FANCA: variants seen among roughly 807,000 people sequenced by gnomAD.
FANCA encodes Fanconi anemia group A protein.
Under a neutral mutation model 194.3 loss-of-function variants are expected in FANCA, and 236 were observed. The ratio of observed to expected loss-of-function variants is 1.21; its 90% confidence interval spans 1.09 to 1.35. FANCA has a LOEUF of 1.35. Among genes scored for constraint, FANCA ranks in the 40% most tolerant of loss-of-function variants. The pLI is 0.00. For missense variants in FANCA, 2,628 were observed against 1,813.9 expected, an observed-to-expected ratio of 1.45 and a Z score of -8.15; for synonymous variants, 1,014 against 715.8, an observed-to-expected ratio of 1.42 and a Z score of -6.65.
chr16:89,765,143 A>T, intron 27 of FANCA, 77 bp from the exon 28 acceptor site: 1 of 1,535,118 alleles, frequency 6.5e-7, no homozygotes, highest in East Asian at 2.3e-5. Flanking sequence ...GCTCAGGTGG[A>T]AACAGACCAT....
intron 14 of FANCA, among the ~76,000 whole-genome samples, chr16:89,787,724 G>A (rs1342988575): frequency 6.6e-6 from 1 of 151,872 alleles, no homozygotes; most frequent in Non-Finnish European, 1.5e-5. Flanking sequence ...AGACAGAACA[G>A]AGACCTTGCC....
At chr16:89,770,292 G>GC in intron 24 of FANCA, 33 bp from the exon 25 acceptor site, 1 of 1,517,528 alleles carries the variant, frequency 6.6e-7, no homozygotes, top group Non-Finnish European at 9.0e-7. Context: ...ATCAGTACTA[G>GC]CCATTCAGTC....
chr16:89,815,912 G>C lies in FANCA; in HGVS notation c.154C>G (p.Arg52Gly). ...AGGGCATTCAGGTCCTGATGGCTTCGCAGGAGGCGCACAGCTGATTCCTTT... is the reference window on the plus strand; with the variant it reads ...AGGGCATTCAGGTCCTGATGGCTTCCCAGGAGGCGCACAGCTGATTCCTTT... The part of the protein sequence containing the change: ...KLKESAVRLL[R>G]SHQDLNALLL... The change falls in exon 2 of 43, where the codon CGA becomes GGA. Residue 52 changes from arginine (R) to glycine (G), a missense_variant. By Grantham distance (125) the Arg-to-Gly change is moderately radical. Coordinates refer to ENST00000389301, the MANE Select transcript of FANCA (RefSeq NM_000135.4). The C allele has an allele frequency of 1.9e-6, 3 of 1,614,094 alleles. No individual in the cohort carries two copies. Among genetic ancestry groups the C allele is most frequent in the Non-Finnish European group, 2.5e-6 (3 of 1,179,934 alleles).
chr16:89,795,594 C>A (rs541169466), intron 11 of FANCA, among the ~76,000 whole-genome samples: 2 of 152,162 alleles, frequency 1.3e-5, no homozygotes, highest in Non-Finnish European at 2.9e-5. Flanking sequence ...GCTGAGATCA[C>A]GCCACTGCAC....
intron 27 of FANCA, among the ~76,000 whole-genome samples, chr16:89,766,481 G>A (rs972026500): frequency 1.3e-4 from 19 of 151,846 alleles, no homozygotes; most frequent in Middle Eastern, 3.4e-3. Context: ...AGGCCAAGGC[G>A]GGTGGATCAC....
At chr16:89,813,194 T>G (rs1332317351) in intron 3 of FANCA, among the ~76,000 whole-genome samples, 2 of 151,150 alleles carry the variant, frequency 1.3e-5, no homozygotes, top group South Asian at 2.1e-4. Context: ...GTAAACTGAT[T>G]GCTTGAGCTC....
intron 25 of FANCA, 39 bp downstream of exon 25, chr16:89,770,127 T>G: frequency 6.4e-7 from 1 of 1,567,430 alleles, no homozygotes; most frequent in South Asian, 1.2e-5. Flanking sequence ...GCCCTCAGAG[T>G]GGGCCCCCAA....
chr16:89,738,577 G>A lies in FANCA; in HGVS notation c.*24C>T. ...AATAAATTATTTACACGGGAGCTGG[G>A]CTGGTGTGCAGTGGCAGGTCCCGTC... is the stretch of plus-strand genomic sequence containing the variant. On this transcript the variant is annotated 3_prime_UTR_variant, in exon 43 of 43. Transcript: ENST00000389301. The A allele has an allele frequency of 6.2e-7, 1 of 1,613,048 alleles. No homozygotes were observed. The highest frequency in any genetic ancestry group is 8.5e-7 in the Non-Finnish European group (1 of 1,180,012).
Position 89,815,997 on chromosome 16 carries a change from A to G in FANCA, c.80-11T>C. ...TCTTGACCCTTCCCGCTACGGAGAG[A>G]AGTCGGTTCGAAACCATCACAGCAC... On this transcript the variant is annotated splice_polypyrimidine_tract_variant and intron_variant, in intron 1 of 42. Coordinates refer to ENST00000389301, the MANE Select transcript of FANCA (RefSeq NM_000135.4). 6.2e-7 allele frequency: 1 copy of G among 1,604,584 alleles called. No individual in the cohort carries two copies. Among genetic ancestry groups the G allele is most frequent in the Non-Finnish European group, 8.5e-7 (1 of 1,171,430 alleles).
intron 3 of FANCA, among the ~76,000 whole-genome samples, chr16:89,812,686 C>A (rs932393168): frequency 1.5e-5 from 2 of 130,882 alleles, no homozygotes; most frequent in African/African-American, 5.2e-5. Context: ...AACTGCAGTA[C>A]GAACCTGTTA....
At chr16:89,797,817 C>G (rs1410801856) in intron 10 of FANCA, among the ~76,000 whole-genome samples, 1 of 152,068 alleles carries the variant, frequency 6.6e-6, no homozygotes, top group Admixed American at 6.6e-5. Context: ...ATTGATTGAA[C>G]CTGGGAGGCA....
At chr16:89,811,681 C>T (rs1285459310) in intron 3 of FANCA, among the ~76,000 whole-genome samples, 1 of 152,078 alleles carries the variant, frequency 6.6e-6, no homozygotes, top group Non-Finnish European at 1.5e-5. Flanking sequence ...TGGAAGCAGG[C>T]AATGCCAAGA....
chr16:89,798,947 G>C (rs980259857), intron 10 of FANCA: 5 of 1,610,084 alleles, frequency 3.1e-6, no homozygotes, highest in Non-Finnish European at 4.2e-6. Context: ...TGCAGTGGGC[G>C]CACCTTCCGA....
chr16:89,761,973 G>A lies in FANCA; in HGVS notation c.2828C>T (p.Ala943Val), dbSNP rs779851064. The change falls in exon 29 of 43, where the codon GCT becomes GTT. Residue 943 changes from alanine (A) to valine (V), a missense_variant. Coordinates refer to ENST00000389301, the MANE Select transcript of FANCA (RefSeq NM_000135.4). The stretch of plus-strand genomic sequence containing the variant: ...CCGTTCAGTATCTGAAAGAGCATCA[G>A]CTTCAGGTTGAATTTCCAGCTCCAG... ...LHLELEIQPEADALSDTERQD... is the reference protein window; with the variant it reads ...LHLELEIQPEVDALSDTERQD... The A allele has an allele frequency of 1.9e-6, 3 of 1,614,076 alleles. No homozygotes were observed. Among genetic ancestry groups the A allele is most frequent in the African/African-American group, 1.3e-5 (1 of 75,042 alleles).
chr16:89,791,028 T>C (rs1191923959), intron 14 of FANCA: 1 of 161,580 alleles, frequency 6.2e-6, no homozygotes, highest in Admixed American at 6.4e-5. Context: ...TGTGTGTTTT[T>C]TTTTTTTTTT....
intron 21 of FANCA, among the ~76,000 whole-genome samples, chr16:89,774,451 C>T (rs1001927268): frequency 1.3e-5 from 2 of 152,050 alleles, no homozygotes; most frequent in African/African-American, 2.4e-5. Context: ...GGTGGGTCGG[C>T]CGGGCATGGG....
chr16:89,781,363 CAAAAAAAA>C (rs775937692), intron 17 of FANCA, among the ~76,000 whole-genome samples: 1 of 60,400 alleles, frequency 1.7e-5, no homozygotes, highest in South Asian at 7.0e-4. Flanking sequence ...GACTCCATTC[CAAAAAAAA>C]AAAAAAAAAA....
At chr16:89,773,137 G>A (rs960795276) in intron 22 of FANCA, 134 bp downstream of exon 22, 4 of 751,264 alleles carry the variant, frequency 5.3e-6, no homozygotes, top group Non-Finnish European at 9.2e-6. Flanking sequence ...CCAGCCCGGG[G>A]TCAATCTTTA....
intron 36 of FANCA, 45 bp from the exon 37 acceptor site, chr16:89,742,983 C>T (rs374069261): frequency 1.3e-6 from 2 of 1,596,028 alleles, no homozygotes; most frequent in Non-Finnish European, 1.7e-6. Context: ...TACAACCATA[C>T]AACCACGCCA....
Sources: allele counts gnomAD v4.1 joint callset (sites outside exome capture counted in the v4.1 genomes callset), GRCh38; gene constraint gnomAD v4.1.1; transcripts MANE v1.5; gene names NCBI Gene and HGNC (gene_info 2026-07-23, HGNC 2026-07-21).